Variants in UBE2A observed in about 807,000 individuals in gnomAD.
UBE2A encodes the protein ubiquitin conjugating enzyme E2 A.
For missense variants in UBE2A, 27 were observed against 125.8 expected (o/e 0.21, Z 3.76); for synonymous variants, 39 against 41.1 (o/e 0.95, Z 0.20).
At position 119,574,685 on chromosome X, in the gene UBE2A, T is replaced by G. The variant is rs968177485; in HGVS notation, c.-27T>G. 5 of 1,190,294 alleles carry G rather than the reference T, an allele frequency of 4.2e-6. No homozygotes were observed. In the African/African-American group the frequency reaches 8.8e-5, roughly 21 times the overall value. ...CGCGGGAACCCGAGACCCCAGTGTA[T>G]GCCCCACCCCTGACCCCGCTCGCGA... On this transcript the variant is annotated 5_prime_UTR_variant, in exon 1 of 6. An upstream start codon of the reference 5' UTR is lost. Coordinates refer to ENST00000371558, the MANE Select transcript of UBE2A (RefSeq NM_003336.4).
chrX:119,577,635 C>CTTTTT (rs11380086), intron 3 of UBE2A, among the ~76,000 whole-genome samples: 54 of 56,771 alleles, frequency 9.5e-4, no homozygotes, highest in Admixed American at 1.3e-3. Context: ...AAAATTTTAG[C>CTTTTT]TTTTTTTTTT....
rs1192286321 is a variant in UBE2A at position 119,575,356 on chromosome X, A to G, written c.126-19A>G. On this transcript the variant is annotated intron_variant, in intron 2 of 5. Transcript: ENST00000371558. The stretch of plus-strand genomic sequence containing the variant: ...GGGGCCCCTTAAGTGGGAACTGACC[A>G]TTTTTCTCTGTGTTGCAGGCCTGAA... The G allele has an allele frequency of 8.3e-6, 10 of 1,211,245 alleles. No individual in the cohort carries two copies. The highest frequency in any genetic ancestry group is 3.5e-5 in the South Asian group (2 of 56,945).
Position 119,583,686 on chromosome X carries a change from G to A in UBE2A, c.*431G>A, listed in dbSNP as rs2053467496. 2.5e-5 allele frequency: 4 copies of A among 159,920 alleles called. No homozygotes were observed. In the South Asian group the frequency reaches 5.4e-4, roughly 22 times the overall value. The allele number at this position is 159,920 out of a possible 1,213,427, so 13.2% of individuals were successfully genotyped here. On this transcript the variant is annotated 3_prime_UTR_variant, in exon 6 of 6. Transcript: ENST00000371558. ...ACTTGTGTTGGATTTAGAAGTGAAT[G>A]TGTTTGGAATATGGCCTACAGAGAA...
intron 3 of UBE2A, among the ~76,000 whole-genome samples, chrX:119,576,174 T>G (rs1268487942): frequency 8.9e-6 from 1 of 111,908 alleles, no homozygotes; most frequent in Non-Finnish European, 1.9e-5. Context: ...TTTTAAAAAC[T>G]TTCTGATTTT....
chrX:119,582,622 T>G lies in UBE2A; in HGVS notation c.276T>G (p.Leu92=). 1 of 1,210,344 alleles carries G rather than the reference T, an allele frequency of 8.3e-7. No homozygotes were observed. The highest frequency in any genetic ancestry group is 1.1e-6 in the Non-Finnish European group (1 of 894,249). ...ATGGTAGTATATGTCTGGACATACT[T>G]CAGAACCGTTGGAGTCCAACCTATG... ...YADGSICLDI[L]QNRWSPTYDV... is the part of the protein sequence containing the mutation. The change falls in exon 5 of 6, where the codon CTT becomes CTG. Residue 92 remains leucine (L), a synonymous_variant. Transcript: ENST00000371558.
At chrX:119,580,381 A>C (rs2053442473) in intron 3 of UBE2A, 1 of 112,087 alleles carries the variant, frequency 8.9e-6, no homozygotes, top group African/African-American at 3.2e-5. Flanking sequence ...TAATGAGAAC[A>C]AAAAGGAAAT....
chrX:119,582,773 T>G, intron 5 of UBE2A, 97 bp downstream of exon 5: 1 of 756,342 alleles, frequency 1.3e-6, no homozygotes. Flanking sequence ...GATCTTTTTA[T>G]TTTTGGTCAA....
chrX:119,580,016 C>G (rs1438905958), intron 3 of UBE2A, among the ~76,000 whole-genome samples: 1 of 111,381 alleles, frequency 9.0e-6, no homozygotes, highest in African/African-American at 3.3e-5. Flanking sequence ...GATTTATGAC[C>G]AGGTGGTGAT....
At chrX:119,577,281 T>G (rs776484541) in intron 3 of UBE2A, among the ~76,000 whole-genome samples, 3 of 111,963 alleles carry the variant, frequency 2.7e-5, no homozygotes, top group African/African-American at 9.7e-5. Flanking sequence ...TTGCTTTAGC[T>G]CTAGTAGGCC....
Position 119,583,226 on chromosome X carries a change from A to G in UBE2A, c.430A>G (p.Ile144Val), listed in dbSNP as rs766659186. The G allele has an allele frequency of 8.3e-7, 1 of 1,210,363 alleles. No homozygotes were observed. Among genetic ancestry groups the G allele is most frequent in the African/African-American group, 1.7e-5 (1 of 57,258 alleles). The change falls in exon 6 of 6, where the codon ATA (isoleucine) becomes GTA (valine). Residue 144 changes from isoleucine to valine, a missense_variant. Coordinates refer to ENST00000371558, the MANE Select transcript of UBE2A (RefSeq NM_003336.4). ...KREYEKRVSA[I>V]VEQSWRDC ...GGAATATGAAAAGCGTGTTTCTGCA[A>G]TAGTAGAACAAAGCTGGCGTGATTG... is the stretch of plus-strand genomic sequence containing the variant.
intron 3 of UBE2A, chrX:119,575,884 C>T (rs914706016): frequency 4.0e-5 from 5 of 124,849 alleles, no homozygotes; most frequent in Admixed American, 1.6e-4. Context: ...TGTCTGGTTT[C>T]TACAATCTGA....
chrX:119,575,330 G>T, intron 2 of UBE2A, 45 bp from the exon 3 acceptor site: 1 of 1,210,850 alleles, frequency 8.3e-7, no homozygotes, highest in Non-Finnish European at 1.1e-6. Flanking sequence ...GCAGGGAGAA[G>T]GGGGCCCCTT....
rs907881227 is a variant in UBE2A at position 119,581,335 on chromosome X, T to C, written c.152-172T>C. 9 of 358,093 alleles carry C rather than the reference T, an allele frequency of 2.5e-5. No individual in the cohort carries two copies. The South Asian group carries it at 5.3e-4, about 21-fold the overall frequency. 29.5% of individuals were successfully genotyped at this position (358,093 alleles called of 1,213,427 possible). A position where few individuals can be genotyped will look rare whatever the true frequency, so the allele number is the denominator to read the frequency against. On this transcript the variant is annotated intron_variant, in intron 3 of 5. Transcript: ENST00000371558. Reference sequence around the variant, plus strand: ...TAATGGCAAAACAAAAAATCACATTTGAGTAGTTCTTAGAGCAATTCCTAG... The same window carrying C: ...TAATGGCAAAACAAAAAATCACATTCGAGTAGTTCTTAGAGCAATTCCTAG...
chrX:119,583,013 T>C, intron 5 of UBE2A, 114 bp from the exon 6 acceptor site: 1 of 979,618 alleles, frequency 1.0e-6, no homozygotes, highest in Non-Finnish European at 1.4e-6. Flanking sequence ...TCTGGGTTTG[T>C]ATGCTAAAGA....
chrX:119,577,635 CTTTTTT>C (rs11380086), intron 3 of UBE2A, among the ~76,000 whole-genome samples: 1 of 56,804 alleles, frequency 1.8e-5, no homozygotes, highest in African/African-American at 7.3e-5. Flanking sequence ...AAAATTTTAG[CTTTTTT>C]TTTTTTTTTT....
At chrX:119,575,214 G>T (rs961190380) in intron 2 of UBE2A, 161 bp from the exon 3 acceptor site, 3 of 825,800 alleles carry the variant, frequency 3.6e-6, no homozygotes, top group Non-Finnish European at 5.3e-6. Context: ...GTTAGGCGCG[G>T]CGGCTTGCCC....
At chrX:119,575,569 G>A (rs2053411056) in intron 3 of UBE2A, 169 bp downstream of exon 3, 1 of 588,204 alleles carries the variant, frequency 1.7e-6, no homozygotes, top group African/African-American at 2.3e-5. Flanking sequence ...GATATTGTAT[G>A]CTTGACTAGA....
Position 119,582,631 on chromosome X carries a change from T to C in UBE2A, c.285T>C (p.Arg95=), listed in dbSNP as rs958346644. Residue 95 remains arginine (R), a synonymous_variant, in exon 5 of 6, where the codon CGT becomes CGC. Coordinates refer to ENST00000371558, the MANE Select transcript of UBE2A (RefSeq NM_003336.4). ...TATGTCTGGACATACTTCAGAACCG[T>C]TGGAGTCCAACCTATGATGTGTCTT... ...GSICLDILQN[R]WSPTYDVSSI... 3.3e-6 allele frequency: 4 copies of C among 1,209,054 alleles called. No individual in the cohort carries two copies. In the African/African-American group the frequency reaches 5.2e-5, roughly 16 times the overall value.
chrX:119,581,353 A>C, intron 3 of UBE2A, 154 bp from the exon 4 acceptor site: 1 of 413,957 alleles, frequency 2.4e-6, no homozygotes, highest in Non-Finnish European at 4.3e-6. Context: ...TCTTAGAGCA[A>C]TTCCTAGAGA....
Sources: gnomAD v4.1 joint callset for allele counts (sites outside exome capture counted in the v4.1 genomes callset) on GRCh38, gnomAD v4.1.1 for gene constraint, MANE v1.5 for transcripts, NCBI Gene and HGNC (gene_info 2026-07-23, HGNC 2026-07-21) for gene names.